SSH2: variants seen among roughly 807,000 people sequenced by gnomAD.
SSH2 encodes the protein slingshot protein phosphatase 2.
Under a neutral mutation model 135.2 loss-of-function variants are expected in SSH2, and 37 were observed. The ratio of observed to expected loss-of-function variants is 0.27; its 90% CI spans 0.21 to 0.36. The LOEUF (loss-of-function observed/expected upper bound fraction) is 0.36. SSH2 is among the 10% of genes least tolerant of loss of function. The pLI is 1.00. For synonymous variants in SSH2, 628 were observed against 646.2 expected (o/e 0.97, Z 0.43); for missense variants, 1,408 against 1,765.3 (o/e 0.80, Z 3.63).
At chr17:29,816,048 C>T (rs888882500) in intron 2 of SSH2, among the ~76,000 whole-genome samples, 1 of 152,016 alleles carries the variant, frequency 6.6e-6, no homozygotes, top group Non-Finnish European at 1.5e-5. Flanking sequence ...AGGGTTTTGC[C>T]ATGTTGGCCA....
intron 3 of SSH2, among the ~76,000 whole-genome samples, chr17:29,781,099 C>T (rs1367973594): frequency 6.6e-6 from 1 of 152,202 alleles, no homozygotes; most frequent in Non-Finnish European, 1.5e-5. Context: ...GCGTGAGCCA[C>T]GGCGCCCGGC....
At chr17:29,892,671 T>G (rs1335450340) in intron 1 of SSH2, among the ~76,000 whole-genome samples, 2 of 151,838 alleles carry the variant, frequency 1.3e-5, no homozygotes, top group Non-Finnish European at 2.9e-5. Flanking sequence ...ACAAAAACAA[T>G]AAACATAACA....
In SSH2 at chr17:29,636,109, ACC is replaced by A; in HGVS notation, c.2119_2120del (p.Gly707TrpfsTer5). The A allele has an allele frequency of 6.2e-7, 1 of 1,613,818 alleles. No homozygotes were observed. The highest frequency in any genetic ancestry group is 1.7e-5 in the Admixed American group (1 of 59,988). ...SFSHSRMEEL[G>X]GGRNESCRLS... is the part of the protein sequence containing the mutation. ...GTCGACAGCTCTCATTCCTTCCTCCACCCAGTTCCTCCATCCTTGAATGGGAA... is the reference window on the plus strand; with the variant it reads ...GTCGACAGCTCTCATTCCTTCCTCCACAGTTCCTCCATCCTTGAATGGGAA... On this transcript the variant is annotated frameshift_variant, in exon 15 of 16. Transcript: ENST00000540801. LOFTEE classifies it high-confidence loss of function.
At chr17:29,678,361 C>T (rs939012800) in intron 6 of SSH2, among the ~76,000 whole-genome samples, 7 of 151,936 alleles carry the variant, frequency 4.6e-5, no homozygotes, top group South Asian at 4.1e-4. Flanking sequence ...GCTGGGATTA[C>T]GGGCATGAGC....
chr17:29,914,454 ATT>A (rs2066844249), intron 1 of SSH2, among the ~76,000 whole-genome samples: 1 of 151,048 alleles, frequency 6.6e-6, no homozygotes, highest in Admixed American at 6.6e-5. Flanking sequence ...AGTCCCAGCT[ATT>A]TGGCAGGCTG....
intron 6 of SSH2, among the ~76,000 whole-genome samples, 171 bp from the exon 7 acceptor site, chr17:29,677,912 GGAGCTGTTTTAAA>G (rs2037797500): frequency 6.6e-6 from 1 of 151,990 alleles, no homozygotes; most frequent in South Asian, 2.1e-4. Flanking sequence ...TATGTCCTCA[GGAGCTGTTTTAAA>G]GAGATAGTCA....
intron 1 of SSH2, among the ~76,000 whole-genome samples, chr17:29,898,011 C>T (rs2066476225): frequency 6.6e-6 from 1 of 152,160 alleles, no homozygotes; most frequent in Admixed American, 6.5e-5. Context: ...AACTGAACAA[C>T]CTGCTCCTGT....
rs533527824 is a variant in SSH2, at chr17:29,879,404, T to C, written c.64-30475A>G. Among the ~76,000 whole-genome samples, 58 of 151,934 alleles carry C rather than the reference T, an allele frequency of 3.8e-4. 1 individual carries two copies. Among genetic ancestry groups the C allele is most frequent in the African/African-American group, 1.4e-3 (57 of 41,434 alleles). On this transcript the variant is annotated intron_variant, in intron 1 of 15. Transcript: ENST00000540801. The stretch of plus-strand genomic sequence containing the variant: ...TTTTTTTTTTTTAATAAACTTTATT[T>C]TTTAGAGCGCTTTTAGGTTCACAGC...
At position 29,742,969 on chromosome 17, in the gene SSH2, T is replaced by C. The variant is rs145761109; in HGVS notation, c.189-39907A>G. ...TTTTTTGAGACACAGTCTCACTCTG[T>C]CGTCCAGGCTGGAGTTCAGTAGCGT... On this transcript the variant is annotated intron_variant, in intron 3 of 15. Transcript: ENST00000540801. Among the ~76,000 whole-genome samples the C allele has an allele frequency of 3.8e-3, 572 of 151,862 alleles. 4 individuals carry two copies. The highest frequency in any genetic ancestry group is 0.013 in the African/African-American group (548 of 41,386).
intron 2 of SSH2, among the ~76,000 whole-genome samples, chr17:29,798,766 C>T (rs113713326): frequency 9.4e-4 from 143 of 152,222 alleles, no homozygotes; most frequent in Non-Finnish European, 1.6e-3. Flanking sequence ...GTGTTTAGTA[C>T]GTTAACATTT....
chr17:29,648,358 T>C lies in SSH2; in HGVS notation c.1227-14A>G. The C allele has an allele frequency of 1.3e-6, 2 of 1,592,000 alleles. No individual in the cohort carries two copies. Among genetic ancestry groups the C allele is most frequent in the Non-Finnish European group, 1.7e-6 (2 of 1,167,930 alleles). ...GATCCATGTTTCCTTGTTTGGGGGATTGAGGTAAAGAATAGAGGAAAATAC... is the reference window on the plus strand; with the variant it reads ...GATCCATGTTTCCTTGTTTGGGGGACTGAGGTAAAGAATAGAGGAAAATAC... On this transcript the variant is annotated splice_polypyrimidine_tract_variant and intron_variant, in intron 13 of 15. Coordinates refer to ENST00000540801, the MANE Select transcript of SSH2 (RefSeq NM_001282129.2).
At position 29,631,479 on chromosome 17, in the gene SSH2, G is replaced by T. The variant is rs756083277; in HGVS notation, c.3715C>A (p.Leu1239Ile). The change falls in exon 16 of 16, where the codon CTC (leucine) becomes ATC (isoleucine). Residue 1239 changes from leucine to isoleucine, a missense_variant. Leu to Ile is a conservative substitution (Grantham distance 5). Transcript: ENST00000540801. ...KMDPLPVACRLPHSSSSENIK... is the reference protein window; with the variant it reads ...KMDPLPVACRIPHSSSSENIK... ...TTTTCACTACTAGAGCTATGTGGGAGTCGACAGGCTACAGGCAATGGGTCC... is the reference window on the plus strand; with the variant it reads ...TTTTCACTACTAGAGCTATGTGGGATTCGACAGGCTACAGGCAATGGGTCC... 2 of 1,614,186 alleles carry T rather than the reference G, an allele frequency of 1.2e-6. No individual in the cohort carries two copies. Among genetic ancestry groups the T allele is most frequent in the Non-Finnish European group, 1.7e-6 (2 of 1,180,036 alleles).
chr17:29,766,062 G>GAAC (rs980325402), intron 3 of SSH2, among the ~76,000 whole-genome samples: 1 of 144,646 alleles, frequency 6.9e-6, no homozygotes, highest in African/African-American at 2.6e-5. Context: ...AGTACTTTGT[G>GAAC]AACAACACCA....
intron 3 of SSH2, among the ~76,000 whole-genome samples, chr17:29,715,741 G>A (rs1401112165): frequency 1.3e-5 from 2 of 152,134 alleles, no homozygotes; most frequent in African/African-American, 2.4e-5. Context: ...AATTATATGT[G>A]GAATAAATGA....
rs1256237629 is a variant in SSH2, at chr17:29,929,798, G to GT, written c.63+139dup. 9.4e-6 allele frequency: 7 copies of GT among 742,234 alleles called. No homozygotes were observed. The African/African-American group carries it at 1.0e-4, about 11-fold the overall frequency. The allele number at this position is 742,234 out of a possible 1,614,324, so 46.0% of individuals were successfully genotyped here. On this transcript the variant is annotated intron_variant, in intron 1 of 15. Coordinates refer to ENST00000540801, the MANE Select transcript of SSH2 (RefSeq NM_001282129.2). The stretch of plus-strand genomic sequence containing the variant: ...TGCTGCTAGTCTTTAACATGGGGGT[G>GT]TGGGGGGGTTCGCGGCAGCCGAGTG...
chr17:29,772,394 C>T (rs765830235), intron 3 of SSH2, among the ~76,000 whole-genome samples: 3 of 151,982 alleles, frequency 2.0e-5, no homozygotes, highest in Non-Finnish European at 4.4e-5. Flanking sequence ...TACAGGCGCC[C>T]ACCACCATGC....
intron 3 of SSH2, among the ~76,000 whole-genome samples, chr17:29,790,910 G>A (rs1419821443): frequency 6.6e-6 from 1 of 151,746 alleles, no homozygotes; most frequent in Non-Finnish European, 1.5e-5. Context: ...TGTATTTTTA[G>A]TAGAGACAGG....
intron 2 of SSH2, among the ~76,000 whole-genome samples, chr17:29,803,060 C>A (rs1343151963): frequency 6.6e-6 from 1 of 152,144 alleles, no homozygotes; most frequent in Non-Finnish European, 1.5e-5. Context: ...ATAAAACACA[C>A]AGGCTTGAGG....
chr17:29,793,853 C>T (rs2151304937), intron 3 of SSH2, 41 bp downstream of exon 3: 1 of 1,558,532 alleles, frequency 6.4e-7, no homozygotes, highest in East Asian at 2.2e-5. Context: ...ACAAAAATAT[C>T]CTACAACAAA....
Sources: allele counts gnomAD v4.1 joint callset (sites outside exome capture counted in the v4.1 genomes callset), GRCh38; gene constraint gnomAD v4.1.1; transcripts MANE v1.5; gene names NCBI Gene and HGNC (gene_info 2026-07-23, HGNC 2026-07-21).